OTOF: variants seen among roughly 807,000 people sequenced by gnomAD.
OTOF encodes the protein otoferlin.
OTOF carries 218 observed loss-of-function variants against 236.8 expected under a neutral mutation model. The ratio of observed to expected loss-of-function variants is 0.92; its 90% CI spans 0.82 to 1.03. OTOF has a LOEUF of 1.03. OTOF is among the 50% of genes least tolerant of loss of function. The pLI is 0.00. For synonymous variants in OTOF, 1,041 were observed against 1,072.5 expected, an observed-to-expected ratio of 0.97 and a Z score of 0.57; for missense variants, 2,590 against 2,694.4, an observed-to-expected ratio of 0.96 and a Z score of 0.86.
rs927957881 is a variant in OTOF, at chr2:26,464,994, G to A, written c.4835C>T (p.Pro1612Leu). 6.6e-7 allele frequency: 1 copy of A among 1,513,266 alleles called. No homozygotes were observed. The allele number at this position is 1,513,266 out of a possible 1,614,324, so 93.7% of individuals were successfully genotyped here. A position where few individuals can be genotyped will look rare whatever the true frequency, so the allele number is the denominator to read the frequency against. ...GYNIWRDPMKPSQILTRLCKD... is the reference protein window; with the variant it reads ...GYNIWRDPMKLSQILTRLCKD... ...GCAGAGGCGGGTCAGGATCTGGCTG[G>A]GCTTCATGGGGTCCCGCCAGATATT... The change falls in exon 39 of 47, where the codon CCC becomes CTC. Residue 1612 changes from proline to leucine, a missense_variant. Physicochemically the swap from Pro to Leu is moderately conservative, Grantham distance 98. This residue lies in a region of OTOF where 1,211 missense variants were observed against 1,352.8 expected (regional missense o/e 0.90). Transcript: ENST00000272371.
intron 8 of OTOF, among the ~76,000 whole-genome samples, chr2:26,500,815 C>T (rs948569167): frequency 1.3e-5 from 2 of 152,046 alleles, no homozygotes; most frequent in African/African-American, 2.4e-5. Flanking sequence ...TGGGGTTGTC[C>T]GTAAAGAAGG....
At chr2:26,507,289 T>G (rs1666273737) in intron 5 of OTOF, among the ~76,000 whole-genome samples, 1 of 152,238 alleles carries the variant, frequency 6.6e-6, no homozygotes, top group Admixed American at 6.5e-5. Flanking sequence ...CAGTACAGCA[T>G]GATGTCATCA....
chr2:26,549,337 A>T (rs1281896334), intron 1 of OTOF, among the ~76,000 whole-genome samples: 2 of 152,180 alleles, frequency 1.3e-5, no homozygotes, highest in Admixed American at 1.3e-4. Context: ...TGAGAAACAC[A>T]TCTTCAATTT....
intron 9 of OTOF, among the ~76,000 whole-genome samples, chr2:26,490,408 A>G (rs1427890902): frequency 2.0e-5 from 3 of 152,168 alleles, no homozygotes; most frequent in African/African-American, 7.2e-5. Flanking sequence ...GTGAAATGCC[A>G]TGGGTGTGCA....
rs776215233 is a variant in OTOF at position 26,475,451 on chromosome 2, C to A, written c.3034G>T (p.Val1012Leu). The change falls in exon 25 of 47, where the codon GTG (valine) becomes TTG (leucine). Residue 1012 changes from valine (V) to leucine (L), a missense_variant. Val to Leu is a conservative substitution (Grantham distance 32). This residue lies in a region of OTOF where 1,211 missense variants were observed against 1,352.8 expected (regional missense o/e 0.90). Transcript: ENST00000272371. The part of the protein sequence containing the change: ...TLCPTWDQML[V>L]FDNLELYGEA... ...CCATAGAGCTCCAGGTTGTCGAACA[C>A]CAGCATCTGGTCCCAGGTGGGACAC... The A allele has an allele frequency of 1.9e-6, 3 of 1,613,122 alleles. No homozygotes were observed. The highest frequency in any genetic ancestry group is 1.7e-5 in the Admixed American group (1 of 60,006).
chr2:26,489,985 T>A (rs1665801450), intron 9 of OTOF, among the ~76,000 whole-genome samples: 1 of 152,174 alleles, frequency 6.6e-6, no homozygotes, highest in African/African-American at 2.4e-5. Flanking sequence ...GGAAAGGAAC[T>A]TGGAACAGTA....
chr2:26,466,467 G>C (rs537706002), intron 36 of OTOF: 1 of 548,054 alleles, frequency 1.8e-6, no homozygotes, highest in Admixed American at 2.7e-5. Flanking sequence ...CTCCTCAGTA[G>C]CTGGGATTAC....
chr2:26,489,663 C>T lies in OTOF; in HGVS notation c.960+15G>A, dbSNP rs1304970777. ...AGGGAGTGGCCCTGCCGGCCAGGGG[C>T]TGCTCCCCACTCACCGAAATCTTGA... On this transcript the variant is annotated intron_variant, in intron 10 of 46. Transcript: ENST00000272371. 1 of 1,608,946 alleles carries T rather than the reference C, an allele frequency of 6.2e-7. No individual in the cohort carries two copies. Among genetic ancestry groups the T allele is most frequent in the Non-Finnish European group, 8.5e-7 (1 of 1,176,272 alleles).
chr2:26,463,567 C>T lies in OTOF; in HGVS notation c.5108G>A (p.Arg1703His), dbSNP rs529721333. ...GAACATGTCCACCCACAGCTCCAGG[C>T]GGCCCTGAGGAAGAGGGTTGTGGCA... ...NPDKPGIEQG[R>H]LELWVDMFPM... The change falls in exon 41 of 47, where the codon CGC (arginine) becomes CAC (histidine). Residue 1703 changes from arginine (R) to histidine (H), a missense_variant. Around this residue, in one of 2 missense-constraint regions of OTOF, gnomAD observed 1,211 missense variants for 1,352.8 expected, o/e 0.90. Coordinates refer to ENST00000272371, the MANE Select transcript of OTOF (RefSeq NM_194248.3). 1.3e-5 allele frequency: 21 copies of T among 1,601,126 alleles called. No homozygotes were observed. In the South Asian group the frequency reaches 2.0e-4, roughly 16 times the overall value.
chr2:26,553,383 C>T (rs888711758), intron 1 of OTOF, among the ~76,000 whole-genome samples: 7 of 152,316 alleles, frequency 4.6e-5, no homozygotes, highest in African/African-American at 1.7e-4. Flanking sequence ...TAGGTACAAA[C>T]AGGGGCAGTT....
chr2:26,537,770 T>C lies in OTOF; in HGVS notation c.84A>G (p.Gln28=), dbSNP rs142546359. The change falls in exon 2 of 47, where the codon CAA becomes CAG. Residue 28 remains glutamine (Q), a synonymous_variant. Coordinates refer to ENST00000272371, the MANE Select transcript of OTOF (RefSeq NM_194248.3). The part of the protein sequence containing the change: ...DRIAKVTFRG[Q]SFYSRVLENC... ...TCTCCAGGACCCGAGAGTAGAAGGATTGCCCTGTGGGGAAAGAGGAAATAA... is the reference window on the plus strand; with the variant it reads ...TCTCCAGGACCCGAGAGTAGAAGGACTGCCCTGTGGGGAAAGAGGAAATAA... 2 of 1,553,366 alleles carry C rather than the reference T, an allele frequency of 1.3e-6. No homozygotes were observed. Among genetic ancestry groups the C allele is most frequent in the Non-Finnish European group, 1.7e-6 (2 of 1,147,520 alleles).
chr2:26,473,470 G>C lies in OTOF; in HGVS notation c.3506C>G (p.Ser1169Trp). 2 of 1,613,246 alleles carry C rather than the reference G, an allele frequency of 1.2e-6. No individual in the cohort carries two copies. The highest frequency in any genetic ancestry group is 8.5e-7 in the Non-Finnish European group (1 of 1,179,982). The change falls in exon 28 of 47, where the codon TCG becomes TGG. Residue 1169 changes from serine (S) to tryptophan (W), a missense_variant. Transcript: ENST00000272371. The surrounding 1 kb of genome is among the most constrained non-coding windows in gnomAD (Gnocchi z 7.2). ...CTTCTTATAATTGTGGATCAGGGAC[G>C]ACTGCACCCCCTTCCCTGCACACTC... ...DIECAGKGVQ[S>W]SLIHNYKKNP...
chr2:26,547,796 G>A (rs1045910586), intron 1 of OTOF, among the ~76,000 whole-genome samples: 12 of 152,108 alleles, frequency 7.9e-5, no homozygotes, highest in East Asian at 3.9e-4. Flanking sequence ...AGCTGAGATC[G>A]CGCCACTGCA....
At position 26,462,190 on chromosome 2, in the gene OTOF, A is replaced by G. The variant is rs886055875; in HGVS notation, c.5193-9T>C. 3.1e-6 allele frequency: 5 copies of G among 1,612,858 alleles called. No individual in the cohort carries two copies. Among genetic ancestry groups the G allele is most frequent in the Non-Finnish European group, 3.4e-6 (4 of 1,178,954 alleles). ...TGACCCGCAGCTCGTACCTGGGCCC[A>G]GGGAGAGAAGGCTGGTTAGCAGCCC... On this transcript the variant is annotated splice_polypyrimidine_tract_variant and intron_variant, in intron 41 of 46. Coordinates refer to ENST00000272371, the MANE Select transcript of OTOF (RefSeq NM_194248.3). The surrounding 1 kb of genome is among the most constrained non-coding windows in gnomAD (Gnocchi z 4.7).
intron 1 of OTOF, among the ~76,000 whole-genome samples, chr2:26,550,901 C>T (rs913581616): frequency 6.6e-6 from 1 of 152,168 alleles, no homozygotes; most frequent in Non-Finnish European, 1.5e-5. Context: ...CCCTGCCTTC[C>T]GGTCTCCCCT....
Position 26,458,145 on chromosome 2 carries a change from C to T in OTOF, c.*93G>A. On this transcript the variant is annotated 3_prime_UTR_variant, in exon 47 of 47. Coordinates refer to ENST00000272371, the MANE Select transcript of OTOF (RefSeq NM_194248.3). ...CCAGCACGATCTTGATGATGAGCCA[C>T]TTGTACCGGGTGCAGATGAGGTACT... 3 of 1,614,144 alleles carry T rather than the reference C, an allele frequency of 1.9e-6. No individual in the cohort carries two copies. The highest frequency in any genetic ancestry group is 2.2e-5 in the South Asian group (2 of 91,086).
At chr2:26,517,885 A>G (rs1040040861) in intron 4 of OTOF, among the ~76,000 whole-genome samples, 2 of 151,950 alleles carry the variant, frequency 1.3e-5, no homozygotes, top group African/African-American at 4.8e-5. Context: ...TCACTCCCCA[A>G]TTCTCTTATC....
Position 26,460,500 on chromosome 2 carries a change from T to A in OTOF, c.5813+147A>T. On this transcript the variant is annotated intron_variant, in intron 45 of 46. Transcript: ENST00000272371. The surrounding 1 kb of genome is among the most constrained non-coding windows in gnomAD (Gnocchi z 5.3). Reference sequence around the variant, plus strand: ...TCTGGTTCAAAGGGACGTTGTGGGATTCAGGGTTGGCAGAGGGCAGGGAGG... The same window carrying A: ...TCTGGTTCAAAGGGACGTTGTGGGAATCAGGGTTGGCAGAGGGCAGGGAGG... The A allele has an allele frequency of 1.4e-6, 1 of 718,734 alleles. No individual in the cohort carries two copies. Among genetic ancestry groups the A allele is most frequent in the East Asian group, 2.7e-5 (1 of 37,184 alleles). The allele number at this position is 718,734 out of a possible 1,614,324, so 44.5% of individuals were successfully genotyped here.
In OTOF at chr2:26,495,011, G is replaced by T. The variant is rs111033447; in HGVS notation, c.828C>A (p.Cys276Ter). The T allele has an allele frequency of 6.2e-7, 1 of 1,613,910 alleles. No homozygotes were observed. Among genetic ancestry groups the T allele is most frequent in the Non-Finnish European group, 8.5e-7 (1 of 1,179,942 alleles). Residue 276 changes from cysteine (C) to a stop codon, truncating the protein, a stop_gained, in exon 9 of 47, where the codon TGC (cysteine) becomes TGA (stop). Transcript: ENST00000272371. LOFTEE classifies it high-confidence loss of function. ...ACTTCTTGTCGTCACCCACCTCCACGCACACCACAGGGTCCATGTTCAAGC... is the reference window on the plus strand; with the variant it reads ...ACTTCTTGTCGTCACCCACCTCCACTCACACCACAGGGTCCATGTTCAAGC... Reference protein sequence around the residue: ...LVGLNMDPVVCVEVGDDKKYT... With the variant: ...LVGLNMDPVV
Sources: allele counts gnomAD v4.1 joint callset (sites outside exome capture counted in the v4.1 genomes callset), GRCh38; gene constraint gnomAD v4.1.1; regional missense constraint gnomAD v4.1.1; non-coding constraint Gnocchi (gnomAD v3.1); transcripts MANE v1.5; gene names NCBI Gene and HGNC (gene_info 2026-07-23, HGNC 2026-07-21).